The following TRRAP variants were observed in gnomAD, a reference collection of about 807,000 sequenced individuals.
TRRAP encodes the protein transformation/transcription domain associated protein.
TRRAP carries 41 observed loss-of-function variants against 438.8 expected under a neutral mutation model. The observed-to-expected ratio is 0.09, with a 90% CI of 0.07 to 0.12. TRRAP has a LOEUF of 0.12. Ranked by LOEUF, TRRAP falls within the 10% of genes least tolerant of loss-of-function variation. The pLI is 1.00. For missense variants in TRRAP, 3,122 were observed against 5,055.1 expected (o/e 0.62, Z 11.60); for synonymous variants, 1,994 against 1,962.9 (o/e 1.02, Z -0.42).
Position 98,961,481 on chromosome 7 carries a change from G to T in TRRAP, c.6703+7G>T. ...ATTTTCCCAACAGAGCCGAGTATGT[G>T]ACCTTTCCCACCGGTGCTTTTCTTT... On this transcript the variant is annotated splice_region_variant and intron_variant, in intron 46 of 72. Transcript: ENST00000456197. 6.2e-7 allele frequency: 1 copy of T among 1,612,752 alleles called. No individual in the cohort carries two copies. The highest frequency in any genetic ancestry group is 1.1e-5 in the South Asian group (1 of 91,060).
chr7:98,996,431 A>G (rs574303031), intron 67 of TRRAP, among the ~76,000 whole-genome samples: 49 of 152,222 alleles, frequency 3.2e-4, no homozygotes, highest in Non-Finnish European at 5.9e-4. Context: ...CTGCCTGAGT[A>G]ACTTCCCCAA....
At chr7:98,909,982 T>C (rs782152995) in intron 14 of TRRAP, 74 bp from the exon 15 acceptor site, 2 of 1,487,834 alleles carry the variant, frequency 1.3e-6, no homozygotes, top group Non-Finnish European at 1.8e-6. Flanking sequence ...CTTATTTTAC[T>C]GTGATCTGAG....
At chr7:99,008,632 C>A in intron 70 of TRRAP, 71 bp downstream of exon 70, 1 of 1,544,420 alleles carries the variant, frequency 6.5e-7, no homozygotes, top group South Asian at 1.2e-5. Context: ...TGCCTGGAGA[C>A]AGGGGTGTTT....
intron 31 of TRRAP, among the ~76,000 whole-genome samples, chr7:98,943,982 T>G (rs1209443239): frequency 1.3e-5 from 2 of 152,246 alleles, no homozygotes; most frequent in African/African-American, 4.8e-5. Context: ...TAAGTCTTGT[T>G]TCCTACTGCT....
rs1792657372 is a variant in TRRAP at position 98,976,371 on chromosome 7, A to C, written c.7959+103A>C. 1.9e-6 allele frequency: 3 copies of C among 1,574,630 alleles called. No homozygotes were observed. In the South Asian group the frequency reaches 3.5e-5, roughly 18 times the overall value. ...TCGAACAAGTTTCAGAAAATGAGGGAACCGCTGGCTGTCACTCGAGCGAAT... is the reference window on the plus strand; with the variant it reads ...TCGAACAAGTTTCAGAAAATGAGGGCACCGCTGGCTGTCACTCGAGCGAAT... On this transcript the variant is annotated intron_variant, in intron 54 of 72. Transcript: ENST00000456197. The surrounding 1 kb of genome is among the most constrained non-coding windows in gnomAD (Gnocchi z 4.6).
At chr7:98,884,781 T>C (rs1795617041) in intron 3 of TRRAP, among the ~76,000 whole-genome samples, 1 of 152,154 alleles carries the variant, frequency 6.6e-6, no homozygotes, top group African/African-American at 2.4e-5. Context: ...TGAACCCCAG[T>C]TGGAAAATTG....
Position 98,976,492 on chromosome 7 carries a change from G to T in TRRAP, c.7969G>T (p.Gly2657Cys). ...LSDRQQHALAGEISPFLCSGS... is the reference protein window; with the variant it reads ...LSDRQQHALACEISPFLCSGS... The stretch of plus-strand genomic sequence containing the variant: ...TGTGCTTTGGTTTCAGGCACTCGCG[G>T]GTGAGATAAGTCCATTTCTGTGCAG... Residue 2657 changes from glycine (G) to cysteine (C), a missense_variant, in exon 55 of 73, where the codon GGT becomes TGT. This residue lies in a region of TRRAP where 992 missense variants were observed against 1,281.2 expected (regional missense o/e 0.77). Coordinates refer to ENST00000456197, the MANE Select transcript of TRRAP (RefSeq NM_001375524.1). This position sits in a 1 kb window ranked among gnomAD's most constrained non-coding sequence, Gnocchi z 4.6. The T allele has an allele frequency of 6.2e-7, 1 of 1,608,924 alleles. No homozygotes were observed. The highest frequency in any genetic ancestry group is 2.2e-5 in the East Asian group (1 of 44,832).
In TRRAP at chr7:98,937,694, T is replaced by C. The variant is rs782243470; in HGVS notation, c.4278T>C (p.His1426=). The change falls in exon 30 of 73, where the codon CAT becomes CAC. Residue 1426 remains histidine (H), a synonymous_variant. Coordinates refer to ENST00000456197, the MANE Select transcript of TRRAP (RefSeq NM_001375524.1). ...TAGAAGTCGATCAAATCCACACACA[T>C]ATGCGACCTTTGCTGATGATGCTGG... ...ATIEVDQIHT[H]MRPLLMMLGD... The C allele has an allele frequency of 6.2e-7, 1 of 1,613,986 alleles. No homozygotes were observed. The highest frequency in any genetic ancestry group is 8.5e-7 in the Non-Finnish European group (1 of 1,179,936).
At chr7:98,971,706 C>T in intron 52 of TRRAP, 93 bp from the exon 53 acceptor site, 9 of 1,478,460 alleles carry the variant, frequency 6.1e-6, no homozygotes, top group Admixed American at 2.3e-5. Flanking sequence ...CGAATTTTAC[C>T]AAAATTGTAA....
chr7:98,915,969 A>C, intron 19 of TRRAP, 81 bp downstream of exon 19: 35 of 1,553,062 alleles, frequency 2.3e-5, no homozygotes, highest in Non-Finnish European at 2.9e-5. Flanking sequence ...GCTGGGTTTC[A>C]TCCTCTGTAA....
rs373209354 is a variant in TRRAP at position 98,886,389 on chromosome 7, TAGAG to T, written c.151-3944_151-3941del. Among the ~76,000 whole-genome samples the T allele has an allele frequency of 3.3e-3, 504 of 151,362 alleles. 10 individuals are homozygous for T. The highest frequency in any genetic ancestry group is 0.012 in the African/African-American group (476 of 41,024). On this transcript the variant is annotated intron_variant, in intron 3 of 72. Coordinates refer to ENST00000456197, the MANE Select transcript of TRRAP (RefSeq NM_001375524.1). ...AGATAGATATAGATATCTAGAGAGATAGAGATAGATATAGATATCTAGAGAGATA... is the reference window on the plus strand; with the variant it reads ...AGATAGATATAGATATCTAGAGAGATATAGATATAGATATCTAGAGAGATA...
In TRRAP at chr7:99,005,155, G is replaced by T. The variant is rs964273642; in HGVS notation, c.10560G>T (p.Val3520=). ...GGTTCATGCCCCGGGTAGAGATTGT[G>T]CAGAAGCACAACACCGCAGCCCGGC... ...IARFMPRVEI[V]QKHNTAARRL... is the part of the protein sequence containing the mutation. Residue 3520 remains valine (V), a synonymous_variant, in exon 69 of 73, where the codon GTG becomes GTT. Transcript: ENST00000456197. The surrounding 1 kb of genome is among the most constrained non-coding windows in gnomAD (Gnocchi z 5.1). The T allele has an allele frequency of 6.2e-7, 1 of 1,613,706 alleles. No individual in the cohort carries two copies. Among genetic ancestry groups the T allele is most frequent in the East Asian group, 2.2e-5 (1 of 44,900 alleles).
chr7:98,924,929 G>A (rs932220901), intron 21 of TRRAP, among the ~76,000 whole-genome samples, 183 bp from the exon 22 acceptor site: 1 of 151,760 alleles, frequency 6.6e-6, no homozygotes. Context: ...GCGTGAACCC[G>A]GGAGGCAGAG....
chr7:98,999,116 C>T (rs1584408642), intron 67 of TRRAP: 2 of 1,531,726 alleles, frequency 1.3e-6, no homozygotes, highest in Non-Finnish European at 1.8e-6. Flanking sequence ...GGAGTGGCCA[C>T]CGAAGGGCAC....
rs782808169 is a variant in TRRAP at position 98,931,396 on chromosome 7, G to C, written c.3592-9G>C. 1 of 1,612,142 alleles carries C rather than the reference G, an allele frequency of 6.2e-7. No individual in the cohort carries two copies. Among genetic ancestry groups the C allele is most frequent in the Non-Finnish European group, 8.5e-7 (1 of 1,179,180 alleles). On this transcript the variant is annotated splice_polypyrimidine_tract_variant and intron_variant, in intron 25 of 72. Transcript: ENST00000456197. The stretch of plus-strand genomic sequence containing the variant: ...CCTGCTTTCATTCTAAGACATCCCT[G>C]ACTTGCAGGTTTCCAATGGGGCAGT...
intron 4 of TRRAP, 119 bp from the exon 5 acceptor site, chr7:98,892,302 ATGG>A (rs1344146730): frequency 5.1e-6 from 4 of 785,414 alleles, no homozygotes; most frequent in Non-Finnish European, 8.3e-6. Context: ...ATTTTGTAGG[ATGG>A]TGGTTCATTC....
At chr7:98,941,596 A>T (rs1790799659) in intron 30 of TRRAP, among the ~76,000 whole-genome samples, 1 of 152,110 alleles carries the variant, frequency 6.6e-6, no homozygotes. Context: ...TACCCCTTTA[A>T]TTCTGTTACT....
chr7:98,921,668 G>A (rs781800761), intron 20 of TRRAP, 85 bp from the exon 21 acceptor site: 92 of 1,568,668 alleles, frequency 5.9e-5, no homozygotes, highest in Middle Eastern at 2.3e-4. Context: ...GAGCCACTAC[G>A]CCTGGCCTCC....
Position 98,967,278 on chromosome 7 carries a change from A to G in TRRAP, c.7298+116A>G, listed in dbSNP as rs1030313209. 10 of 1,412,884 alleles carry G rather than the reference A, an allele frequency of 7.1e-6. No individual in the cohort carries two copies. In the African/African-American group the frequency reaches 8.6e-5, roughly 12 times the overall value. The allele number at this position is 1,412,884 out of a possible 1,614,324, so 87.5% of individuals were successfully genotyped here. On this transcript the variant is annotated intron_variant, in intron 50 of 72. Transcript: ENST00000456197. The stretch of plus-strand genomic sequence containing the variant: ...ACTCATACCTAAGTTTAAAATATTC[A>G]TTTAAATGCTAAATTGTGTGACCTA...
Sources: allele counts gnomAD v4.1 joint callset (sites outside exome capture counted in the v4.1 genomes callset), GRCh38; gene constraint gnomAD v4.1.1; regional missense constraint gnomAD v4.1.1; non-coding constraint Gnocchi (gnomAD v3.1); transcripts MANE v1.5; gene names NCBI Gene and HGNC (gene_info 2026-07-23, HGNC 2026-07-21).